The following KCNIP4 variants were observed in gnomAD, a reference collection of about 807,000 sequenced individuals.
KCNIP4 encodes the protein Kv channel-interacting protein 4.
Under a neutral mutation model 34.0 loss-of-function variants are expected in KCNIP4, and 12 were observed. The ratio of observed to expected loss-of-function variants is 0.35; its 90% CI spans 0.23 to 0.57. The LOEUF (loss-of-function observed/expected upper bound fraction) is 0.57. Among genes scored for constraint, KCNIP4 ranks in the 20% least tolerant of loss-of-function variants. The probability of loss-of-function intolerance (pLI) is 0.83; values close to 1 mark genes in which losing one functional copy is unlikely to be tolerated. For synonymous variants in KCNIP4, 124 were observed against 102.2 expected (o/e 1.21, Z -1.29); for missense variants, 238 against 311.7 (o/e 0.76, Z 1.78).
At chr4:21,107,737 C>G (rs1438596090) in intron 1 of KCNIP4, among the ~76,000 whole-genome samples, 1 of 151,572 alleles carries the variant, frequency 6.6e-6, no homozygotes, top group Non-Finnish European at 1.5e-5. Flanking sequence ...GTGGCTGGTA[C>G]CAGTTGATCC....
chr4:21,205,605 T>C (rs1756797776), intron 1 of KCNIP4, among the ~76,000 whole-genome samples: 1 of 152,230 alleles, frequency 6.6e-6, no homozygotes, highest in African/African-American at 2.4e-5. Flanking sequence ...TAACAAATAC[T>C]TAAAACTTAC....
chr4:21,403,611 C>T lies in KCNIP4; in HGVS notation c.62-520902G>A, dbSNP rs891121740. 5.3e-5 allele frequency among the ~76,000 whole-genome samples: 8 copies of T among 152,190 alleles called. No homozygotes were observed. The South Asian group carries it at 6.2e-4, about 12-fold the overall frequency. ...CTCTATAACCTAATAGAACGACTTC[C>T]GTGTCCTTCACCTAATACCTTAATC... is the stretch of plus-strand genomic sequence containing the variant. On this transcript the variant is annotated intron_variant, in intron 1 of 8. Transcript: ENST00000382152.
In KCNIP4 at chr4:21,661,403, C is replaced by T. The variant is rs112275438; in HGVS notation, c.61+287168G>A. Among the ~76,000 whole-genome samples, 154 of 152,268 alleles carry T rather than the reference C, an allele frequency of 1.0e-3. 1 individual carries two copies. Among genetic ancestry groups the T allele is most frequent in the African/African-American group, 3.5e-3 (146 of 41,546 alleles). On this transcript the variant is annotated intron_variant, in intron 1 of 8. Transcript: ENST00000382152. ...TTCTTGGATAGCTGGGCTAAAAGAG[C>T]ACTGTAGCACTCCTGGACACTGCCA...
At chr4:21,560,101 T>A (rs531067862) in intron 1 of KCNIP4, among the ~76,000 whole-genome samples, 4 of 152,118 alleles carry the variant, frequency 2.6e-5, no homozygotes, top group Non-Finnish European at 5.9e-5. Context: ...CCTGGAGAAC[T>A]AATTCATATA....
At chr4:21,351,687 T>G (rs1353001959) in intron 1 of KCNIP4, among the ~76,000 whole-genome samples, 1 of 152,154 alleles carries the variant, frequency 6.6e-6, no homozygotes, top group African/African-American at 2.4e-5. Flanking sequence ...ATATGGTTGG[T>G]GTCCTTATAA....
chr4:21,835,925 A>G (rs1377399289), intron 1 of KCNIP4, among the ~76,000 whole-genome samples: 3 of 152,230 alleles, frequency 2.0e-5, no homozygotes. Context: ...AAATCCACAA[A>G]GAATACATTC....
intron 1 of KCNIP4, among the ~76,000 whole-genome samples, chr4:21,046,331 C>G (rs59584613): frequency 6.6e-6 from 1 of 152,148 alleles, no homozygotes; most frequent in Admixed American, 6.5e-5. Flanking sequence ...GGATGAATCA[C>G]TGGAATCACT....
chr4:21,275,218 A>G (rs572134713), intron 1 of KCNIP4, among the ~76,000 whole-genome samples: 2 of 152,040 alleles, frequency 1.3e-5, no homozygotes, highest in African/African-American at 2.4e-5. Context: ...TTTCTGAAAG[A>G]CCCTCTGGAC....
intron 1 of KCNIP4, among the ~76,000 whole-genome samples, chr4:21,756,502 C>A (rs1717536240): frequency 6.8e-6 from 1 of 147,630 alleles, no homozygotes; most frequent in Admixed American, 6.9e-5. Context: ...TGCAGTGAGC[C>A]AAGATTGCAC....
chr4:21,467,307 G>T (rs921791656), intron 1 of KCNIP4, among the ~76,000 whole-genome samples: 19 of 152,136 alleles, frequency 1.2e-4, no homozygotes, highest in African/African-American at 4.6e-4. Context: ...GTTTCCTGCA[G>T]CCAACTTCCA....
At chr4:21,723,058 G>T (rs1443289320) in intron 1 of KCNIP4, among the ~76,000 whole-genome samples, 1 of 152,024 alleles carries the variant, frequency 6.6e-6, no homozygotes, top group Non-Finnish European at 1.5e-5. Context: ...TATTTCTACA[G>T]AATAAAATTT....
At chr4:21,039,525 T>C (rs550514886) in intron 1 of KCNIP4, among the ~76,000 whole-genome samples, 10 of 152,300 alleles carry the variant, frequency 6.6e-5, no homozygotes, top group African/African-American at 2.4e-4. Context: ...TTCATTCTTA[T>C]AGGGTGACTA....
chr4:21,103,595 T>C (rs917456603), intron 1 of KCNIP4, among the ~76,000 whole-genome samples: 2 of 151,444 alleles, frequency 1.3e-5, no homozygotes, highest in African/African-American at 4.9e-5. Context: ...TATTTTATTA[T>C]TATTATACTT....
intron 1 of KCNIP4, among the ~76,000 whole-genome samples, chr4:21,451,032 C>T (rs1448501735): frequency 2.6e-5 from 4 of 151,968 alleles, no homozygotes; most frequent in African/African-American, 2.4e-5. Flanking sequence ...GCAAAAACGA[C>T]ATAATAGTGA....
At chr4:20,793,366 A>G (rs938611279) in intron 3 of KCNIP4, among the ~76,000 whole-genome samples, 4 of 152,138 alleles carry the variant, frequency 2.6e-5, no homozygotes, top group Non-Finnish European at 2.9e-5. Flanking sequence ...TGCTGAGACA[A>G]TGTAGATCAA....
chr4:20,955,902 T>C (rs1219851914), intron 1 of KCNIP4, among the ~76,000 whole-genome samples: 2 of 152,218 alleles, frequency 1.3e-5, no homozygotes, highest in African/African-American at 4.8e-5. Flanking sequence ...GGGAAGGTTA[T>C]AGTGCTTATT....
chr4:20,933,367 G>A (rs954840683), intron 1 of KCNIP4, among the ~76,000 whole-genome samples: 1 of 152,154 alleles, frequency 6.6e-6, no homozygotes, highest in Non-Finnish European at 1.5e-5. Flanking sequence ...AGTCATGGAT[G>A]CATACAAGTA....
At chr4:21,475,473 G>A (rs358591) in intron 1 of KCNIP4, among the ~76,000 whole-genome samples, 44,885 of 152,080 alleles carry the variant, frequency 0.3, 6,762 homozygotes, top group African/African-American at 0.33. Flanking sequence ...TCCACTCACC[G>A]ACTTTTCCAA....
intron 1 of KCNIP4, among the ~76,000 whole-genome samples, chr4:21,948,292 A>G (rs1730614927): frequency 6.6e-6 from 1 of 152,118 alleles, no homozygotes; most frequent in Non-Finnish European, 1.5e-5. Context: ...GAGAAGGCAA[A>G]AGTACGCACA....
Sources: allele counts gnomAD v4.1 joint callset (sites outside exome capture counted in the v4.1 genomes callset), GRCh38; gene constraint gnomAD v4.1.1; transcripts MANE v1.5; gene names NCBI Gene and HGNC (gene_info 2026-07-23, HGNC 2026-07-21).